TAFA1: variants seen among roughly 807,000 people sequenced by gnomAD.
TAFA1 encodes chemokine-like protein TAFA-1.
A neutral mutation model predicts 18.5 loss-of-function variants in TAFA1; 4 were observed. That is an observed-to-expected ratio of 0.22 (90% confidence interval 0.11 to 0.49). TAFA1 has a LOEUF of 0.49. TAFA1 is among the 20% of genes least tolerant of loss of function. The probability of loss-of-function intolerance (pLI) is 0.98; values close to 1 mark genes in which losing one functional copy is unlikely to be tolerated. For missense variants in TAFA1, 147 were observed against 169.0 expected, an observed-to-expected ratio of 0.87 and a Z score of 0.72; for synonymous variants, 56 against 55.2, an observed-to-expected ratio of 1.01 and a Z score of -0.06.
At chr3:68,509,766 CAAG>C (rs2072818472) in intron 3 of TAFA1, among the ~76,000 whole-genome samples, 1 of 152,146 alleles carries the variant, frequency 6.6e-6, no homozygotes, top group South Asian at 2.1e-4. Context: ...GAGAATTACA[CAAG>C]AAGAGCAAAG....
intron 2 of TAFA1, among the ~76,000 whole-genome samples, chr3:68,407,532 A>G (rs2070634661): frequency 6.6e-6 from 1 of 152,296 alleles, no homozygotes; most frequent in Middle Eastern, 3.4e-3. Flanking sequence ...AATATTCTTG[A>G]CCTAAATCCC....
chr3:68,310,944 A>G (rs1327804649), intron 2 of TAFA1, among the ~76,000 whole-genome samples: 1 of 152,134 alleles, frequency 6.6e-6, no homozygotes, highest in Non-Finnish European at 1.5e-5. Flanking sequence ...TGATAAAGAC[A>G]CACCCGAGCC....
At chr3:68,086,839 T>C (rs577696175) in intron 2 of TAFA1, among the ~76,000 whole-genome samples, 6 of 152,322 alleles carry the variant, frequency 3.9e-5, no homozygotes, top group African/African-American at 1.4e-4. Flanking sequence ...AGACTTTAGG[T>C]AGTGTTCTCT....
At chr3:68,332,650 C>A (rs2068902345) in intron 2 of TAFA1, among the ~76,000 whole-genome samples, 1 of 152,100 alleles carries the variant, frequency 6.6e-6, no homozygotes, top group Non-Finnish European at 1.5e-5. Context: ...ATGAAGGAGA[C>A]CAACAGGTAT....
intron 3 of TAFA1, among the ~76,000 whole-genome samples, chr3:68,531,931 GCACT>G (rs1432036101): frequency 6.6e-6 from 1 of 152,104 alleles, no homozygotes; most frequent in Non-Finnish European, 1.5e-5. Context: ...ACACATAGGA[GCACT>G]CAATAAATGT....
At chr3:68,248,969 G>A (rs1350681455) in intron 2 of TAFA1, among the ~76,000 whole-genome samples, 2 of 152,034 alleles carry the variant, frequency 1.3e-5, no homozygotes, top group Admixed American at 1.3e-4. Context: ...CCAGCCCTCT[G>A]CCACAGAACT....
intron 2 of TAFA1, among the ~76,000 whole-genome samples, chr3:68,016,012 A>G (rs1704562797): frequency 6.6e-6 from 1 of 152,216 alleles, no homozygotes; most frequent in South Asian, 2.1e-4. Flanking sequence ...TCAGTGTGTC[A>G]TGAGTGTTGT....
chr3:68,371,902 A>T (rs1453855142), intron 2 of TAFA1, among the ~76,000 whole-genome samples: 1 of 152,140 alleles, frequency 6.6e-6, no homozygotes, highest in African/African-American at 2.4e-5. Context: ...TCCCATGGGG[A>T]CATGGTGATC....
At chr3:68,177,880 C>T (rs754271866) in intron 2 of TAFA1, among the ~76,000 whole-genome samples, 1 of 152,156 alleles carries the variant, frequency 6.6e-6, no homozygotes, top group South Asian at 2.1e-4. Flanking sequence ...CATGGTGGCT[C>T]ACGCCTGTAA....
intron 2 of TAFA1, among the ~76,000 whole-genome samples, chr3:68,367,090 T>C (rs944602390): frequency 2.0e-5 from 3 of 152,106 alleles, no homozygotes; most frequent in Non-Finnish European, 4.4e-5. Flanking sequence ...CCTTATGGGG[T>C]GGTTGTGAGA....
At chr3:68,404,826 G>A (rs2070566482) in intron 2 of TAFA1, among the ~76,000 whole-genome samples, 1 of 151,816 alleles carries the variant, frequency 6.6e-6, no homozygotes, top group African/African-American at 2.4e-5. Context: ...AAGGATGGCT[G>A]GATTTGCAGT....
intron 2 of TAFA1, among the ~76,000 whole-genome samples, chr3:68,295,608 G>T (rs1210178469): frequency 6.6e-6 from 1 of 151,920 alleles, no homozygotes; most frequent in Non-Finnish European, 1.5e-5. Flanking sequence ...TTTCAGTTTT[G>T]TTTTATTTTC....
chr3:68,473,398 T>C (rs1286066154), intron 3 of TAFA1, among the ~76,000 whole-genome samples: 1 of 152,132 alleles, frequency 6.6e-6, no homozygotes, highest in South Asian at 2.1e-4. Context: ...AGATAGAAAA[T>C]GAAGAATATT....
At chr3:68,413,749 AG>A (rs1204565993) in intron 2 of TAFA1, among the ~76,000 whole-genome samples, 3 of 151,606 alleles carry the variant, frequency 2.0e-5, no homozygotes, top group Non-Finnish European at 2.9e-5. Flanking sequence ...TGTTGGGGGC[AG>A]GGGGGTGAGG....
intron 2 of TAFA1, among the ~76,000 whole-genome samples, chr3:68,134,363 G>A (rs1039223542): frequency 1.7e-4 from 26 of 152,162 alleles, no homozygotes; most frequent in African/African-American, 5.5e-4. Context: ...GTGCGTGTGT[G>A]TGTGTGTGTA....
intron 3 of TAFA1, among the ~76,000 whole-genome samples, chr3:68,513,714 C>T (rs2072881901): frequency 6.6e-6 from 1 of 152,084 alleles, no homozygotes; most frequent in Non-Finnish European, 1.5e-5. Flanking sequence ...GACTATAAAG[C>T]AGGACAGGTA....
intron 2 of TAFA1, among the ~76,000 whole-genome samples, chr3:68,281,710 G>A (rs930701312): frequency 6.6e-6 from 1 of 151,872 alleles, no homozygotes; most frequent in Non-Finnish European, 1.5e-5. Context: ...CACCTGCCTC[G>A]GTCTCCCAAA....
chr3:68,036,162 C>T (rs1705042545), intron 2 of TAFA1, among the ~76,000 whole-genome samples: 1 of 152,034 alleles, frequency 6.6e-6, no homozygotes, highest in Non-Finnish European at 1.5e-5. Flanking sequence ...ATTTTACAGC[C>T]AGGCACGCTG....
chr3:68,042,715 CTATG>C (rs1705191751), intron 2 of TAFA1, among the ~76,000 whole-genome samples: 1 of 152,142 alleles, frequency 6.6e-6, no homozygotes, highest in Non-Finnish European at 1.5e-5. Context: ...TGTGCATAGT[CTATG>C]TGTTTATGCA....
Sources: gnomAD v4.1 joint callset for allele counts (sites outside exome capture counted in the v4.1 genomes callset) on GRCh38, gnomAD v4.1.1 for gene constraint, MANE v1.5 for transcripts, NCBI Gene and HGNC (gene_info 2026-07-23, HGNC 2026-07-21) for gene names.